Variants in SLC4A10 observed in about 807,000 individuals in gnomAD.
SLC4A10 encodes the protein sodium-driven chloride bicarbonate exchanger.
In SLC4A10, 42 loss-of-function variants were observed where a neutral mutation model predicts 137.7. The ratio of observed to expected loss-of-function variants is 0.30; its 90% CI spans 0.24 to 0.39. The LOEUF is 0.39. Among genes scored for constraint, SLC4A10 ranks in the 10% least tolerant of loss-of-function variants. The probability of loss-of-function intolerance (pLI) is 1.00; values close to 1 mark genes in which losing one functional copy is unlikely to be tolerated. For synonymous variants in SLC4A10, 474 were observed against 464.1 expected, an observed-to-expected ratio of 1.02 and a Z score of -0.27; for missense variants, 925 against 1,355.0, an observed-to-expected ratio of 0.68 and a Z score of 4.98.
At chr2:161,772,002 C>T (rs534064584) in intron 2 of SLC4A10, among the ~76,000 whole-genome samples, 2 of 151,732 alleles carry the variant, frequency 1.3e-5, no homozygotes, top group Non-Finnish European at 2.9e-5. Flanking sequence ...GCTCTTGGAT[C>T]TTATCTTTAG....
intron 15 of SLC4A10, among the ~76,000 whole-genome samples, chr2:161,921,308 C>T (rs972899052): frequency 6.6e-6 from 1 of 152,080 alleles, no homozygotes; most frequent in Admixed American, 6.6e-5. Flanking sequence ...TAGAATGGAC[C>T]TCTGGGGACC....
chr2:161,721,022 T>G (rs1412253593), intron 1 of SLC4A10, among the ~76,000 whole-genome samples: 1 of 152,182 alleles, frequency 6.6e-6, no homozygotes, highest in East Asian at 1.9e-4. Flanking sequence ...AGAGATGGGG[T>G]TTCACCATGT....
intron 3 of SLC4A10, among the ~76,000 whole-genome samples, chr2:161,814,983 C>CT (rs1353435707): frequency 6.6e-6 from 1 of 151,886 alleles, no homozygotes; most frequent in East Asian, 1.9e-4. Flanking sequence ...GTACTGCTAG[C>CT]TTTTAAAAGT....
chr2:161,935,170 A>G (rs1230037008), intron 15 of SLC4A10, among the ~76,000 whole-genome samples: 1 of 152,164 alleles, frequency 6.6e-6, no homozygotes, highest in African/African-American at 2.4e-5. Flanking sequence ...TGCTCTCAGC[A>G]TCTTTGTCGA....
intron 1 of SLC4A10, among the ~76,000 whole-genome samples, chr2:161,683,061 G>C (rs1408734192): frequency 6.6e-6 from 1 of 152,092 alleles, no homozygotes; most frequent in African/African-American, 2.4e-5. Context: ...CAAGTCATTA[G>C]CCTCATTGAG....
At chr2:161,926,386 G>GTTTTTTTGT (rs1689097172) in intron 15 of SLC4A10, among the ~76,000 whole-genome samples, 3 of 22,924 alleles carry the variant, frequency 1.3e-4, no homozygotes, top group African/African-American at 3.5e-4. Flanking sequence ...CCTTTTTTTG[G>GTTTTTTTGT]TTTTTTTTTT....
At position 161,957,006 on chromosome 2, in the gene SLC4A10, T is replaced by C; in HGVS notation, c.2559T>C (p.His853=). ...EHKLKKGCGY[H]LDLLMVAVML... ...TTAAACAGAAAGGTTGTGGGTACCA[T>C]CTGGACCTATTAATGGTGGCTGTCA... The change falls in exon 20 of 27, where the codon CAT becomes CAC. Residue 853 remains histidine, a synonymous_variant. Coordinates refer to ENST00000446997, the MANE Select transcript of SLC4A10 (RefSeq NM_001178015.2). 1 of 1,588,516 alleles carries C rather than the reference T, an allele frequency of 6.3e-7. No homozygotes were observed. Among genetic ancestry groups the C allele is most frequent in the Non-Finnish European group, 8.6e-7 (1 of 1,166,936 alleles).
intron 19 of SLC4A10, 36 bp downstream of exon 19, chr2:161,950,884 T>A: frequency 2.0e-6 from 3 of 1,499,466 alleles, no homozygotes; most frequent in Non-Finnish European, 2.7e-6. Context: ...TAAATAATTA[T>A]GACAACTGAT....
intron 19 of SLC4A10, among the ~76,000 whole-genome samples, 164 bp from the exon 20 acceptor site, chr2:161,956,825 C>T (rs895591362): frequency 4.6e-5 from 7 of 152,058 alleles, no homozygotes; most frequent in Admixed American, 2.0e-4. Flanking sequence ...ATGAGACAAA[C>T]GAGGGCAATT....
In SLC4A10 at chr2:161,838,934, C is replaced by T. The variant is rs146908044; in HGVS notation, c.278-855C>T. Among the ~76,000 whole-genome samples the T allele has an allele frequency of 1.6e-3, 250 of 152,286 alleles. 2 individuals carry two copies. Among genetic ancestry groups the T allele is most frequent in the African/African-American group, 5.8e-3 (243 of 41,554 alleles). ...CTCAGAAAGCTGAACATAAACTTAT[C>T]ATATGACTAGCAATCCTACTTCTAG... is the stretch of plus-strand genomic sequence containing the variant. On this transcript the variant is annotated intron_variant, in intron 3 of 26. Transcript: ENST00000446997.
intron 3 of SLC4A10, among the ~76,000 whole-genome samples, chr2:161,828,809 TG>T: frequency 8.1e-6 from 1 of 123,644 alleles, no homozygotes; most frequent in African/African-American, 3.1e-5. Flanking sequence ...TATATATATA[TG>T]TATAATCTAC....
At chr2:161,790,912 A>G (rs138273141) in intron 2 of SLC4A10, among the ~76,000 whole-genome samples, 7 of 152,324 alleles carry the variant, frequency 4.6e-5, no homozygotes, top group African/African-American at 1.2e-4. Context: ...CAAAACCTCA[A>G]TAAGATATCA....
rs752036968 is a variant in SLC4A10, at chr2:161,976,904, A to G, written c.3344+28A>G. The G allele has an allele frequency of 4.1e-6, 5 of 1,204,834 alleles. No homozygotes were observed. In the African/African-American group the frequency reaches 7.7e-5, roughly 18 times the overall value. The allele number at this position is 1,204,834 out of a possible 1,614,324, so 74.6% of individuals were successfully genotyped here. On this transcript the variant is annotated intron_variant, in intron 25 of 26. Transcript: ENST00000446997. ...TTGGATTTTAAAATAATGAGAATTT[A>G]TACTAATTCCAATTGTTTTTTGACA... is the stretch of plus-strand genomic sequence containing the variant.
At chr2:161,861,085 T>C (rs1425107053) in intron 5 of SLC4A10, among the ~76,000 whole-genome samples, 1 of 152,226 alleles carries the variant, frequency 6.6e-6, no homozygotes, top group Non-Finnish European at 1.5e-5. Flanking sequence ...AGAGATCATA[T>C]GGCCTACAAT....
intron 3 of SLC4A10, among the ~76,000 whole-genome samples, chr2:161,837,234 T>A (rs1011728671): frequency 3.3e-4 from 50 of 152,098 alleles, no homozygotes; most frequent in African/African-American, 1.2e-3. Flanking sequence ...AAATTAGAAA[T>A]AATAAGTAAG....
At chr2:161,782,532 CAA>C (rs955205146) in intron 2 of SLC4A10, among the ~76,000 whole-genome samples, 2 of 151,062 alleles carry the variant, frequency 1.3e-5, no homozygotes, top group East Asian at 2.0e-4. Context: ...TCTAATGAAA[CAA>C]AGATACACAA....
intron 1 of SLC4A10, among the ~76,000 whole-genome samples, chr2:161,726,658 C>T (rs557728607): frequency 2.0e-5 from 3 of 152,164 alleles, no homozygotes; most frequent in South Asian, 4.1e-4. Context: ...CCTGTAGTCC[C>T]AGCACTTTGG....
chr2:161,665,041 A>C (rs1384164675), intron 1 of SLC4A10, among the ~76,000 whole-genome samples: 3 of 151,820 alleles, frequency 2.0e-5, no homozygotes, highest in Non-Finnish European at 4.4e-5. Flanking sequence ...GTTAGTTCAG[A>C]GATTGAAGAA....
intron 6 of SLC4A10, among the ~76,000 whole-genome samples, chr2:161,866,259 C>T (rs1477776632): frequency 6.6e-6 from 1 of 151,946 alleles, no homozygotes; most frequent in East Asian, 1.9e-4. Flanking sequence ...CGGGGTCTTC[C>T]CCATTTTAAA....
Sources: allele counts gnomAD v4.1 joint callset (sites outside exome capture counted in the v4.1 genomes callset), GRCh38; gene constraint gnomAD v4.1.1; transcripts MANE v1.5; gene names NCBI Gene and HGNC (gene_info 2026-07-23, HGNC 2026-07-21).